The following TET3 variants were observed in gnomAD, a reference collection of about 807,000 sequenced individuals.
The protein encoded by TET3 is tet methylcytosine dioxygenase 3, also known as methylcytosine dioxygenase TET3.
Under a neutral mutation model 141.4 loss-of-function variants are expected in TET3, and 19 were observed. The ratio of observed to expected loss-of-function variants is 0.13; its 90% CI spans 0.09 to 0.20. TET3 has a LOEUF of 0.20. TET3 is among the 10% of genes least tolerant of loss of function. The pLI, the probability that TET3 is intolerant of heterozygous loss-of-function variation, is 1.00. For missense variants in TET3, 1,874 were observed against 2,356.9 expected (o/e 0.80, Z 4.24); for synonymous variants, 1,043 against 980.9 (o/e 1.06, Z -1.18).
At chr2:74,090,266 G>T (rs142105625) in intron 8 of TET3, among the ~76,000 whole-genome samples, 120 of 152,312 alleles carry the variant, frequency 7.9e-4, no homozygotes, top group African/African-American at 2.8e-3. Flanking sequence ...GGGTGCCCCA[G>T]GCTCTTCCCA....
At chr2:74,025,040 A>G (rs1048989613) in intron 3 of TET3, among the ~76,000 whole-genome samples, 3 of 151,586 alleles carry the variant, frequency 2.0e-5, no homozygotes, top group South Asian at 2.1e-4. Context: ...TGGCTAACAC[A>G]GTGAAACCCC....
At chr2:74,057,423 A>G (rs1158898613) in intron 4 of TET3, among the ~76,000 whole-genome samples, 3 of 152,220 alleles carry the variant, frequency 2.0e-5, no homozygotes, top group East Asian at 3.8e-4. Flanking sequence ...CCCCTCTCAG[A>G]CTGCTGAACT....
chr2:74,061,825 C>T (rs1218008657), intron 4 of TET3, among the ~76,000 whole-genome samples: 2 of 128,228 alleles, frequency 1.6e-5, no homozygotes, highest in East Asian at 2.1e-4. Flanking sequence ...AGACGATGGG[C>T]GGCCGGGCAG....
intron 2 of TET3, among the ~76,000 whole-genome samples, chr2:73,988,246 G>A (rs1373452104): frequency 2.6e-5 from 4 of 152,182 alleles, no homozygotes; most frequent in Admixed American, 2.6e-4. Context: ...GTAAGAGCTG[G>A]TGCTTTGGTG....
intron 2 of TET3, among the ~76,000 whole-genome samples, chr2:73,991,955 G>A (rs1249744972): frequency 6.6e-6 from 1 of 152,056 alleles, no homozygotes; most frequent in East Asian, 1.9e-4. Flanking sequence ...GGGGTAAAAG[G>A]CCAAGCACAT....
At chr2:73,994,986 A>G (rs1396334160) in intron 2 of TET3, among the ~76,000 whole-genome samples, 2 of 151,216 alleles carry the variant, frequency 1.3e-5, no homozygotes, top group Non-Finnish European at 2.9e-5. Context: ...GTTTTGACGG[A>G]GTCTTGCTCT....
intron 2 of TET3, among the ~76,000 whole-genome samples, chr2:73,992,345 G>A (rs372059029): frequency 1.6e-4 from 16 of 101,220 alleles, no homozygotes; most frequent in African/African-American, 8.7e-4. Context: ...ATGGAGTCTC[G>A]CTCTGTTACC....
chr2:74,130,914 C>G, the TET3 span: 1 of 152,182 alleles, frequency 6.6e-6, no homozygotes, highest in African/African-American at 2.4e-5. Flanking sequence ...GGCAGTTCCC[C>G]GCAAATGGGT....
chr2:74,027,538 C>T (rs1259585169), intron 3 of TET3, among the ~76,000 whole-genome samples: 1 of 151,918 alleles, frequency 6.6e-6, no homozygotes, highest in Non-Finnish European at 1.5e-5. Context: ...TCCCCTAACC[C>T]CCTCAGCCCC....
At position 74,102,027 on chromosome 2, in the gene TET3, G is replaced by C. The variant is rs1016626595; in HGVS notation, c.5239G>C (p.Gly1747Arg). 5 of 1,567,454 alleles carry C rather than the reference G, an allele frequency of 3.2e-6. No individual in the cohort carries two copies. Among genetic ancestry groups the C allele is most frequent in the African/African-American group, 1.4e-5 (1 of 73,262 alleles). Reference protein sequence around the residue: ...AKLYGKKRKWGGTVVAEPQQK... With the variant: ...AKLYGKKRKWRGTVVAEPQQK... ...GCTCTACGGGAAGAAGCGCAAGTGG[G>C]GGGGCACTGTGGTTGCTGAGCCCCA... is the stretch of plus-strand genomic sequence containing the variant. Residue 1747 changes from glycine (G) to arginine (R), a missense_variant, in exon 12 of 12, where the codon GGG becomes CGG. Transcript: ENST00000409262.
intron 6 of TET3, among the ~76,000 whole-genome samples, chr2:74,080,942 G>C (rs72907189): frequency 0.026 from 3,927 of 152,310 alleles, 166 homozygotes; most frequent in African/African-American, 0.089. Flanking sequence ...TGGGGATGCT[G>C]TCATGACCCG....
chr2:73,988,999 G>GTTT (rs57748474), intron 2 of TET3, among the ~76,000 whole-genome samples: 5 of 107,780 alleles, frequency 4.6e-5, no homozygotes, highest in Non-Finnish European at 7.2e-5. Flanking sequence ...AGTTTTTTTT[G>GTTT]TTTTTTTTTT....
chr2:74,056,538 G>A (rs941270161), intron 4 of TET3, among the ~76,000 whole-genome samples: 1 of 151,746 alleles, frequency 6.6e-6, no homozygotes, highest in Admixed American at 6.6e-5. Flanking sequence ...TTTAGAAAGG[G>A]GGGGAAAAAA....
chr2:74,066,620 G>C (rs1270414248), intron 4 of TET3, among the ~76,000 whole-genome samples: 2 of 152,200 alleles, frequency 1.3e-5, no homozygotes, highest in Non-Finnish European at 2.9e-5. Flanking sequence ...GACTCCTTGG[G>C]CTGCCCTGTA....
At chr2:73,994,072 A>C (rs755062839) in intron 2 of TET3, among the ~76,000 whole-genome samples, 1 of 152,174 alleles carries the variant, frequency 6.6e-6, no homozygotes, top group Non-Finnish European at 1.5e-5. Context: ...GCAGTCAGGT[A>C]CAGTGAGTCC....
At chr2:74,061,328 C>T (rs1229561719) in intron 4 of TET3, among the ~76,000 whole-genome samples, 183 of 134,414 alleles carry the variant, frequency 1.4e-3, no homozygotes, top group Non-Finnish European at 2.5e-3. Flanking sequence ...CGGGCAGAGG[C>T]GCCCCTCACC....
At chr2:74,076,276 A>C (rs928630936) in intron 5 of TET3, among the ~76,000 whole-genome samples, 1 of 151,952 alleles carries the variant, frequency 6.6e-6, no homozygotes, top group Admixed American at 6.6e-5. Context: ...TTCCTTAGCA[A>C]CTGGTTTATT....
intron 3 of TET3, among the ~76,000 whole-genome samples, chr2:74,026,542 TA>T (rs780833583): frequency 6.6e-6 from 1 of 152,190 alleles, no homozygotes; most frequent in Non-Finnish European, 1.5e-5. Flanking sequence ...GCTTAACAGA[TA>T]ATTGACTGTT....
chr2:74,005,384 G>A (rs1685101267), intron 3 of TET3, among the ~76,000 whole-genome samples: 1 of 152,216 alleles, frequency 6.6e-6, no homozygotes, highest in Non-Finnish European at 1.5e-5. Flanking sequence ...AGTTGTCTGA[G>A]AATCATATGC....
Sources: allele counts gnomAD v4.1 joint callset (sites outside exome capture counted in the v4.1 genomes callset), GRCh38; gene constraint gnomAD v4.1.1; transcripts MANE v1.5; gene names NCBI Gene and HGNC (gene_info 2026-07-23, HGNC 2026-07-21).